The following COL2A1 variants were observed in gnomAD, a reference collection of about 807,000 sequenced individuals.
COL2A1 encodes the protein collagen type II alpha 1 chain.
A neutral mutation model predicts 204.5 loss-of-function variants in COL2A1; 28 were observed. That is an observed-to-expected ratio of 0.14 (90% CI 0.10 to 0.19). COL2A1 has a LOEUF of 0.19. Among genes scored for constraint, COL2A1 ranks in the 10% least tolerant of loss-of-function variants. COL2A1 has a pLI of 1.00. For missense variants in COL2A1, 1,388 were observed against 2,027.5 expected (o/e 0.68, Z 6.06); for synonymous variants, 708 against 718.7 (o/e 0.99, Z 0.24).
Position 47,993,070 on chromosome 12 carries a change from G to A in COL2A1, c.970-139C>T, listed in dbSNP as rs1455323077. The A allele has an allele frequency of 6.4e-5, 52 of 809,084 alleles. 3 individuals carry two copies. The South Asian group carries it at 7.3e-4, about 11-fold the overall frequency. 50.1% of individuals were successfully genotyped at this position (809,084 alleles called of 1,614,324 possible). ...CCAGGAAAACAAGGACCTCCTGATG[G>A]TGCTGGCTCCTTGACTAGCCAGGAT... On this transcript the variant is annotated intron_variant, in intron 15 of 53. Coordinates refer to ENST00000380518, the MANE Select transcript of COL2A1 (RefSeq NM_001844.5).
intron 12 of COL2A1, 99 bp downstream of exon 12, chr12:47,994,325 T>A: frequency 7.6e-7 from 1 of 1,320,650 alleles, no homozygotes; most frequent in East Asian, 2.4e-5. Context: ...TGGCGTTTCA[T>A]CTCAGAAGTG....
chr12:47,985,498 C>T (rs1267581750), intron 26 of COL2A1, 36 bp downstream of exon 26: 6 of 1,605,664 alleles, frequency 3.7e-6, no homozygotes, highest in Admixed American at 1.7e-5. Context: ...GGGAGATCCC[C>T]CCACCCTCCT....
In COL2A1 at chr12:47,976,222, T is replaced by A. The variant is rs74088779; in HGVS notation, c.3490-152A>T. 5,315 of 736,498 alleles carry A rather than the reference T, an allele frequency of 7.2e-3. 218 individuals are homozygous for A. In the African/African-American group the frequency reaches 0.079, roughly 11 times the overall value. 45.6% of individuals were successfully genotyped at this position (736,498 alleles called of 1,614,324 possible). A position where few individuals can be genotyped will look rare whatever the true frequency, so the allele number is the denominator to read the frequency against. ...TCATGGAACCCTAAGTTGGTCTCTA[T>A]TTGGCCAAGAACCAGCAGGATAGCT... is the stretch of plus-strand genomic sequence containing the variant. On this transcript the variant is annotated intron_variant, in intron 49 of 53. Transcript: ENST00000380518. This position sits in a 1 kb window ranked among gnomAD's most constrained non-coding sequence, Gnocchi z 4.3.
chr12:47,989,659 G>A, intron 17 of COL2A1, 102 bp downstream of exon 17: 1 of 952,362 alleles, frequency 1.1e-6, no homozygotes, highest in Non-Finnish European at 1.7e-6. Flanking sequence ...ACATCAGAGT[G>A]CTGCTGTGGT....
intron 21 of COL2A1, 88 bp downstream of exon 21, chr12:47,986,990 G>C: frequency 6.3e-7 from 1 of 1,581,916 alleles, no homozygotes; most frequent in Non-Finnish European, 8.7e-7. Context: ...CCGCTGTGAG[G>C]CCAGGGCAGG....
In COL2A1 at chr12:47,979,917, T is replaced by G. The variant is rs1327042813; in HGVS notation, c.2679+92A>C. The G allele has an allele frequency of 9.0e-6, 10 of 1,116,848 alleles. No homozygotes were observed. In the African/African-American group the frequency reaches 1.3e-4, roughly 14 times the overall value. 69.2% of individuals were successfully genotyped at this position (1,116,848 alleles called of 1,614,324 possible). On this transcript the variant is annotated intron_variant, in intron 40 of 53. Coordinates refer to ENST00000380518, the MANE Select transcript of COL2A1 (RefSeq NM_001844.5). Reference sequence around the variant, plus strand: ...GACCAACGCAGGGCTGGGAAAACAGTCGGGGGCATCCCAGAACACCCCCGC... The same window carrying G: ...GACCAACGCAGGGCTGGGAAAACAGGCGGGGGCATCCCAGAACACCCCCGC...
In COL2A1 at chr12:47,992,893, G is replaced by T; in HGVS notation, c.1008C>A (p.Gly336=). 6.2e-7 allele frequency: 1 copy of T among 1,614,176 alleles called. No homozygotes were observed. Among genetic ancestry groups the T allele is most frequent in the Non-Finnish European group, 8.5e-7 (1 of 1,180,006 alleles). ...RGLPGERGRT[G]PAGAAGARGN... Reference sequence around the variant, plus strand: ...AATTACTCACCGCAGCGCCAGCAGGGCCAGTCCGTCCTCTTTCACCAGGCA... The same window carrying T: ...AATTACTCACCGCAGCGCCAGCAGGTCCAGTCCGTCCTCTTTCACCAGGCA... The change falls in exon 16 of 54, where the codon GGC becomes GGA. Residue 336 remains glycine, a synonymous_variant. Coordinates refer to ENST00000380518, the MANE Select transcript of COL2A1 (RefSeq NM_001844.5).
chr12:48,004,374 G>A lies in COL2A1; in HGVS notation c.-53C>T, dbSNP rs1001844360. On this transcript the variant is annotated 5_prime_UTR_variant, in exon 1 of 54. Coordinates refer to ENST00000380518, the MANE Select transcript of COL2A1 (RefSeq NM_001844.5). ...GGCCCGGGCGGAGCGCAGCGAAACG[G>A]CAGGAGCACGGCGCGGGTCCGGGTC... is the stretch of plus-strand genomic sequence containing the variant. The A allele has an allele frequency of 1.4e-4, 162 of 1,136,154 alleles. No homozygotes were observed. Among genetic ancestry groups the A allele is most frequent in the Non-Finnish European group, 2.1e-4 (159 of 775,328 alleles). The allele number at this position is 1,136,154 out of a possible 1,614,324, so 70.4% of individuals were successfully genotyped here. A position where few individuals can be genotyped will look rare whatever the true frequency, so the allele number is the denominator to read the frequency against.
At chr12:47,992,756 A>C in intron 16 of COL2A1, 122 bp downstream of exon 16, 1 of 1,027,454 alleles carries the variant, frequency 9.7e-7, no homozygotes, top group African/African-American at 1.6e-5. Context: ...CTGGGGGTGA[A>C]TTCTTAAGGG....
Position 47,997,894 on chromosome 12 carries a change from C to T in COL2A1, c.406G>A (p.Asp136Asn). The T allele has an allele frequency of 6.2e-7, 1 of 1,614,146 alleles. No individual in the cohort carries two copies. Among genetic ancestry groups the T allele is most frequent in the Non-Finnish European group, 8.5e-7 (1 of 1,180,040 alleles). The stretch of plus-strand genomic sequence containing the variant: ...ACTTTTTCACCTTTGTCACCACGAT[C>T]CCCTCTGGGTCCTTGTTCCCCTGCA... ...GPAGEQGPRG[D>N]RGDKGEKGAP... Residue 136 changes from aspartate to asparagine, a missense_variant, in exon 6 of 54, where the codon GAT becomes AAT. Physicochemically the swap from Asp to Asn is conservative, Grantham distance 23. Around this residue, in one of 3 missense-constraint regions of COL2A1, gnomAD observed 201 missense variants for 242.4 expected, o/e 0.83. Transcript: ENST00000380518.
Position 47,980,427 on chromosome 12 carries a change from C to A in COL2A1, c.2625+127G>T. 1.1e-6 allele frequency: 1 copy of A among 888,048 alleles called. No individual in the cohort carries two copies. The highest frequency in any genetic ancestry group is 1.4e-5 in the South Asian group (1 of 70,394). 55.0% of individuals were successfully genotyped at this position (888,048 alleles called of 1,614,324 possible). On this transcript the variant is annotated intron_variant, in intron 39 of 53. Coordinates refer to ENST00000380518, the MANE Select transcript of COL2A1 (RefSeq NM_001844.5). This position sits in a 1 kb window ranked among gnomAD's most constrained non-coding sequence, Gnocchi z 4.5. The stretch of plus-strand genomic sequence containing the variant: ...CAGCCCACATGCCACATGGAAGCTC[C>A]TTCTACCAACATGGGGGTGTTCCCA...
rs768961816 is a variant in COL2A1, at chr12:47,975,584, G to A, written c.3619C>T (p.Pro1207Ser). ...CCAGGGGGACCTGGAGGACCAGGGG[G>A]TCCAGGATTTCCAGGAGGACCCTGC... ...GPAGPPGNPGPPGPPGPPGPG... is the reference protein window; with the variant it reads ...GPAGPPGNPGSPGPPGPPGPG... The change falls in exon 51 of 54, where the codon CCC (proline) becomes TCC (serine). Residue 1207 changes from proline (P) to serine (S), a missense_variant. This residue lies in a region of COL2A1 where 884 missense variants were observed against 1,415.8 expected (regional missense o/e 0.62). Transcript: ENST00000380518. The A allele has an allele frequency of 1.2e-6, 2 of 1,601,046 alleles. No individual in the cohort carries two copies. Among genetic ancestry groups the A allele is most frequent in the East Asian group, 4.5e-5 (2 of 44,880 alleles).
chr12:47,979,246 T>C (rs1395874552), intron 41 of COL2A1, among the ~76,000 whole-genome samples: 1 of 152,042 alleles, frequency 6.6e-6, no homozygotes, highest in African/African-American at 2.4e-5. Flanking sequence ...TCAAGAAACA[T>C]CTGTCCAGGA....
rs41272775 is a variant in COL2A1 at position 47,973,379 on chromosome 12, G to A, written c.*28C>T. 6.0e-4 allele frequency: 970 copies of A among 1,614,144 alleles called. 6 individuals carry two copies. The East Asian group carries it at 0.017, about 28-fold the overall frequency. ...TACTTGGGTCCTTTGGGTTTGCAAC[G>A]GATTGTGTTGTTTCTGGGTTCAGGT... On this transcript the variant is annotated 3_prime_UTR_variant, in exon 54 of 54. Transcript: ENST00000380518.
intron 7 of COL2A1, 132 bp downstream of exon 7, chr12:47,997,474 G>A: frequency 6.6e-7 from 1 of 1,523,022 alleles, no homozygotes; most frequent in Admixed American, 1.7e-5. Flanking sequence ...CAGGCCTGAG[G>A]GCAAAGCCCA....
intron 31 of COL2A1, 35 bp from the exon 32 acceptor site, chr12:47,983,172 C>G (rs201552264): frequency 7.8e-5 from 126 of 1,606,908 alleles, no homozygotes; most frequent in Middle Eastern, 6.6e-4. Context: ...AGAGTGAAGG[C>G]TTCATATCAC....
chr12:47,989,881 G>T, intron 16 of COL2A1, 76 bp from the exon 17 acceptor site: 1 of 1,398,916 alleles, frequency 7.1e-7, no homozygotes, highest in Non-Finnish European at 1.0e-6. Flanking sequence ...CACCCTTACA[G>T]AAAACGAAGG....
In COL2A1 at chr12:47,976,082, A is replaced by T. The variant is rs1189452899; in HGVS notation, c.3490-12T>A. On this transcript the variant is annotated splice_polypyrimidine_tract_variant and intron_variant, in intron 49 of 53. Coordinates refer to ENST00000380518, the MANE Select transcript of COL2A1 (RefSeq NM_001844.5). The surrounding 1 kb of genome is among the most constrained non-coding windows in gnomAD (Gnocchi z 4.3). ...GGGCCAGGAGGACCCTGCAAGAGAG[A>T]GAGGTCGTGAGGAAAGAGTGGTCAC... The T allele has an allele frequency of 6.3e-7, 1 of 1,593,302 alleles. No homozygotes were observed. Among genetic ancestry groups the T allele is most frequent in the Admixed American group, 1.7e-5 (1 of 59,974 alleles).
Position 47,993,830 on chromosome 12 carries a change from C to T in COL2A1, c.903G>A (p.Glu301=). 3 of 1,614,192 alleles carry T rather than the reference C, an allele frequency of 1.9e-6. No homozygotes were observed. The highest frequency in any genetic ancestry group is 2.5e-6 in the Non-Finnish European group (3 of 1,180,026). ...GYPGLDGAKG[E]AGAPGVKGES... ...TCACCTTCACACCAGGAGCACCCGC[C>T]TCTCCCTTAGCACCGTCCAGGCCTG... Residue 301 remains glutamate (E), a synonymous_variant, in exon 14 of 54, where the codon GAG becomes GAA. Coordinates refer to ENST00000380518, the MANE Select transcript of COL2A1 (RefSeq NM_001844.5).
Sources: gnomAD v4.1 joint callset for allele counts (sites outside exome capture counted in the v4.1 genomes callset) on GRCh38, gnomAD v4.1.1 for gene constraint, gnomAD v4.1.1 regional missense constraint, Gnocchi (gnomAD v3.1) non-coding constraint, MANE v1.5 for transcripts, NCBI Gene and HGNC (gene_info 2026-07-23, HGNC 2026-07-21) for gene names.